The following CDH23 variants were observed in gnomAD, a reference collection of about 807,000 sequenced individuals.
CDH23 encodes the protein cadherin related 23.
Under a neutral mutation model 317.1 loss-of-function variants are expected in CDH23, and 189 were observed. The observed-to-expected ratio is 0.60, with a 90% CI of 0.53 to 0.67. The LOEUF (loss-of-function observed/expected upper bound fraction) is 0.67, where lower values mean the gene tolerates loss of function less well. CDH23 is among the 30% of genes least tolerant of loss of function. The pLI, the probability that CDH23 is intolerant of heterozygous loss-of-function variation, is 0.00. For missense variants in CDH23, 4,401 were observed against 4,592.4 expected (o/e 0.96, Z 1.20); for synonymous variants, 1,839 against 1,876.8 (o/e 0.98, Z 0.52).
chr10:71,616,329 A>T (rs1861189433), intron 10 of CDH23, among the ~76,000 whole-genome samples: 1 of 152,084 alleles, frequency 6.6e-6, no homozygotes, highest in Admixed American at 6.5e-5. Context: ...CATGGGGAGG[A>T]TGGTGCAGCC....
intron 14 of CDH23, among the ~76,000 whole-genome samples, chr10:71,674,601 C>A (rs1791147147): frequency 6.6e-6 from 1 of 152,210 alleles, no homozygotes; most frequent in African/African-American, 2.4e-5. Flanking sequence ...CCTCTTCACC[C>A]TCACAACAGC....
At chr10:71,649,062 G>C (rs1002144450) in intron 14 of CDH23, among the ~76,000 whole-genome samples, 18 of 152,136 alleles carry the variant, frequency 1.2e-4, no homozygotes, top group Admixed American at 1.2e-3. Flanking sequence ...CTGGAATTCT[G>C]TTCCTGTAAA....
chr10:71,663,974 C>T (rs34865046), intron 14 of CDH23, among the ~76,000 whole-genome samples: 8,165 of 150,748 alleles, frequency 0.054, 329 homozygotes, highest in Non-Finnish European at 0.069. Flanking sequence ...GCACACCAGC[C>T]TCGGCGACAG....
chr10:71,566,907 C>G lies in CDH23; in HGVS notation c.595C>G (p.Gln199Glu). 4.3e-6 allele frequency: 7 copies of G among 1,613,502 alleles called. No homozygotes were observed. The highest frequency in any genetic ancestry group is 5.9e-6 in the Non-Finnish European group (7 of 1,179,868). The change falls in exon 7 of 70, where the codon CAG (glutamine) becomes GAG (glutamate). Residue 199 changes from glutamine (Q) to glutamate (E), a missense_variant. Coordinates refer to ENST00000224721, the MANE Select transcript of CDH23 (RefSeq NM_022124.6). ...CCGGGAGCTGGACTACGAGACCACA[C>G]AGGCCTACCAGCTCACGGTCAACGC... ...VIRELDYETT[Q>E]AYQLTVNATD...
At chr10:71,434,189 C>T (rs1849519701) in intron 1 of CDH23, among the ~76,000 whole-genome samples, 1 of 152,228 alleles carries the variant, frequency 6.6e-6, no homozygotes, top group South Asian at 2.1e-4. Flanking sequence ...GCCCACTCTC[C>T]TGCGAGTGCA....
intron 38 of CDH23, among the ~76,000 whole-genome samples, chr10:71,766,418 C>G (rs142710511): frequency 1.3e-5 from 2 of 152,120 alleles, no homozygotes; most frequent in East Asian, 1.9e-4. Context: ...GGAAGAGTGC[C>G]GTGAACCTGG....
intron 14 of CDH23, among the ~76,000 whole-genome samples, chr10:71,661,907 G>A (rs867996540): frequency 1.2e-3 from 140 of 118,856 alleles, no homozygotes; most frequent in African/African-American, 4.2e-3. Flanking sequence ...CACCCAGCGC[G>A]CCCCCTTCCA....
intron 27 of CDH23, chr10:71,711,820 G>T (rs1045238123): frequency 2.6e-5 from 4 of 152,090 alleles, no homozygotes; most frequent in Non-Finnish European, 5.9e-5. Flanking sequence ...GACTGGAGTG[G>T]AGGACAGCTG....
chr10:71,627,393 TGATGAA>T (rs748451719), intron 11 of CDH23, among the ~76,000 whole-genome samples: 72 of 152,084 alleles, frequency 4.7e-4, no homozygotes, highest in Non-Finnish European at 8.8e-4. Flanking sequence ...ATGATGATGA[TGATGAA>T]GATTTTTCTG....
At position 71,566,941 on chromosome 10, in the gene CDH23, G is replaced by T; in HGVS notation, c.624+5G>T. 6.2e-7 allele frequency: 1 copy of T among 1,610,600 alleles called. No homozygotes were observed. Among genetic ancestry groups the T allele is most frequent in the Non-Finnish European group, 8.5e-7 (1 of 1,179,436 alleles). The stretch of plus-strand genomic sequence containing the variant: ...CAGCTCACGGTCAACGCCACAGTGA[G>T]TCTCCATGCTGGGGCCCCGGCCGTC... On this transcript the variant is annotated splice_donor_5th_base_variant and intron_variant, in intron 7 of 69. Coordinates refer to ENST00000224721, the MANE Select transcript of CDH23 (RefSeq NM_022124.6).
chr10:71,728,679 A>T (rs182477628), intron 30 of CDH23, among the ~76,000 whole-genome samples: 142 of 152,186 alleles, frequency 9.3e-4, no homozygotes, highest in African/African-American at 3.0e-3. Flanking sequence ...TTCCCTCTCT[A>T]CTTTGCTGGC....
At chr10:71,812,273 A>G (rs1841957340) in intron 66 of CDH23, 1 of 1,599,338 alleles carries the variant, frequency 6.3e-7, no homozygotes, top group Non-Finnish European at 8.5e-7. Flanking sequence ...CCTCTGCACC[A>G]AAGGCAATCC....
chr10:71,631,718 A>G (rs1862021621), intron 11 of CDH23, among the ~76,000 whole-genome samples: 1 of 152,142 alleles, frequency 6.6e-6, no homozygotes, highest in Non-Finnish European at 1.5e-5. Flanking sequence ...CCTCTTGCAC[A>G]CCAGGGGGCC....
chr10:71,518,696 C>G (rs1854482441), intron 6 of CDH23, among the ~76,000 whole-genome samples: 1 of 152,238 alleles, frequency 6.6e-6, no homozygotes, highest in African/African-American at 2.4e-5. Flanking sequence ...CCCACACACA[C>G]ACAGGCTAAA....
intron 55 of CDH23, among the ~76,000 whole-genome samples, chr10:71,803,838 G>T (rs987463093): frequency 1.7e-5 from 2 of 117,408 alleles, no homozygotes; most frequent in South Asian, 2.8e-4. Flanking sequence ...AAAAAAAAAA[G>T]GCTGGGCATG....
chr10:71,639,899 A>G lies in CDH23; in HGVS notation c.1135-3962A>G, dbSNP rs57928086. On this transcript the variant is annotated intron_variant, in intron 11 of 69. Transcript: ENST00000224721. ...CAGTCACAAATCCAGACCAAGCAGG[A>G]ATTGGCCAGCTGGTAAAGTCCTGGA... 8.4e-3 allele frequency among the ~76,000 whole-genome samples: 1,283 copies of G among 152,280 alleles called. 21 individuals carry two copies. The highest frequency in any genetic ancestry group is 0.029 in the African/African-American group (1,215 of 41,552).
chr10:71,739,471 C>T (rs946072439), intron 35 of CDH23, among the ~76,000 whole-genome samples, 173 bp from the exon 36 acceptor site: 2 of 152,172 alleles, frequency 1.3e-5, no homozygotes, highest in East Asian at 1.9e-4. Context: ...CATGGGCCTG[C>T]ACCCCCATTT....
intron 38 of CDH23, among the ~76,000 whole-genome samples, chr10:71,759,838 C>T (rs1840256379): frequency 1.7e-5 from 1 of 57,186 alleles, no homozygotes; most frequent in East Asian, 4.5e-4. Flanking sequence ...CACACACACA[C>T]ACACACACAT....
At chr10:71,512,579 G>A (rs975639202) in intron 6 of CDH23, among the ~76,000 whole-genome samples, 5 of 152,238 alleles carry the variant, frequency 3.3e-5, no homozygotes, top group African/African-American at 4.8e-5. Context: ...CCATTGCTCA[G>A]CTGCCATCCT....
Sources: gnomAD v4.1 joint callset for allele counts (sites outside exome capture counted in the v4.1 genomes callset) on GRCh38, gnomAD v4.1.1 for gene constraint, MANE v1.5 for transcripts, NCBI Gene and HGNC (gene_info 2026-07-23, HGNC 2026-07-21) for gene names.